Variants in SPMIP2 observed in about 807,000 individuals in gnomAD.
SPMIP2 encodes the protein protein SPMIP2.
At chr4:159,003,986 C>T in the SPMIP2 span, among the ~76,000 whole-genome samples, 2 of 152,090 alleles carry the variant, frequency 1.3e-5, no homozygotes, top group Non-Finnish European at 2.9e-5. Context: ...CGAGTCATCA[C>T]CAGCTGAGTC....
At chr4:158,971,273 A>T in the SPMIP2 span, among the ~76,000 whole-genome samples, 1 of 152,186 alleles carries the variant, frequency 6.6e-6, no homozygotes, top group African/African-American at 2.4e-5. Context: ...ACTTTATTCA[A>T]CCCAGCCGCC....
At chr4:159,045,594 G>C in the SPMIP2 span, among the ~76,000 whole-genome samples, 4 of 152,214 alleles carry the variant, frequency 2.6e-5, no homozygotes, top group Non-Finnish European at 5.9e-5. Context: ...ATAGCTATGA[G>C]AGAGAAAGGG....
chr4:158,894,336 G>GTAATTTTT, the SPMIP2 span, among the ~76,000 whole-genome samples: 35 of 151,942 alleles, frequency 2.3e-4, no homozygotes, highest in East Asian at 6.4e-3. Context: ...CTATGCCCAG[G>GTAATTTTT]TAATTTTTTA....
At chr4:159,070,957 T>C in the SPMIP2 span, among the ~76,000 whole-genome samples, 1 of 152,166 alleles carries the variant, frequency 6.6e-6, no homozygotes, top group Non-Finnish European at 1.5e-5. Flanking sequence ...CAAGCCTCAG[T>C]GGTCAGCAAT....
At chr4:159,063,903 T>C in the SPMIP2 span, among the ~76,000 whole-genome samples, 3 of 152,214 alleles carry the variant, frequency 2.0e-5, no homozygotes, top group Non-Finnish European at 2.9e-5. Flanking sequence ...AAAAGGATCA[T>C]GTGGAGCCAG....
chr4:158,904,713 CTT>C, the SPMIP2 span: 1 of 604,814 alleles, frequency 1.7e-6, no homozygotes, highest in Non-Finnish European at 2.9e-6. Context: ...TCATTGAAGA[CTT>C]AGGTTTACTT....
At chr4:158,925,745 G>C in the SPMIP2 span, among the ~76,000 whole-genome samples, 1 of 152,178 alleles carries the variant, frequency 6.6e-6, no homozygotes, top group Non-Finnish European at 1.5e-5. Flanking sequence ...TTCCTAACGG[G>C]TTACACGTCT....
chr4:159,003,131 T>C, the SPMIP2 span, among the ~76,000 whole-genome samples: 2 of 152,222 alleles, frequency 1.3e-5, no homozygotes, highest in Non-Finnish European at 2.9e-5. Flanking sequence ...TATACCACTC[T>C]CTGTGTAATT....
the SPMIP2 span, among the ~76,000 whole-genome samples, chr4:158,978,889 T>A: frequency 6.6e-6 from 1 of 151,736 alleles, no homozygotes; most frequent in African/African-American, 2.4e-5. Flanking sequence ...CACTCTGTAC[T>A]GAGTGCTGTG....
At chr4:158,975,471 T>C in the SPMIP2 span, among the ~76,000 whole-genome samples, 1 of 152,244 alleles carries the variant, frequency 6.6e-6, no homozygotes, top group African/African-American at 2.4e-5. Flanking sequence ...GAGTTAATTT[T>C]TGTAAAAGGT....
At chr4:158,946,641 T>C in the SPMIP2 span, among the ~76,000 whole-genome samples, 1 of 152,218 alleles carries the variant, frequency 6.6e-6, no homozygotes, top group African/African-American at 2.4e-5. Flanking sequence ...ATTAAACCTC[T>C]TTCTTTATAA....
the SPMIP2 span, among the ~76,000 whole-genome samples, chr4:159,004,014 G>C: frequency 6.6e-6 from 1 of 151,744 alleles, no homozygotes; most frequent in Non-Finnish European, 1.5e-5. Flanking sequence ...GGTTTTTTTT[G>C]TTGTTGTTTT....
the SPMIP2 span, among the ~76,000 whole-genome samples, chr4:158,932,908 A>T: frequency 6.6e-6 from 1 of 152,232 alleles, no homozygotes; most frequent in African/African-American, 2.4e-5. Context: ...CACAAAAATC[A>T]TTGTTATTAC....
the SPMIP2 span, among the ~76,000 whole-genome samples, chr4:158,977,693 C>T: frequency 1.4e-5 from 2 of 144,800 alleles, no homozygotes; most frequent in Non-Finnish European, 1.5e-5. Flanking sequence ...CGGCTCACTG[C>T]AAGCTCTGCC....
the SPMIP2 span, among the ~76,000 whole-genome samples, chr4:159,016,626 TTCTTTGG>T: frequency 3.3e-5 from 5 of 152,200 alleles, no homozygotes; most frequent in Admixed American, 2.0e-4. Context: ...TTTCAACCTT[TTCTTTGG>T]TAACCCCTTG....
At chr4:158,928,645 C>T in the SPMIP2 span, among the ~76,000 whole-genome samples, 1 of 152,164 alleles carries the variant, frequency 6.6e-6, no homozygotes, top group African/African-American at 2.4e-5. Context: ...GCTGCCAGAG[C>T]CAGCAGTGGC....
At chr4:159,040,205 T>G in the SPMIP2 span, among the ~76,000 whole-genome samples, 1 of 152,140 alleles carries the variant, frequency 6.6e-6, no homozygotes, top group Non-Finnish European at 1.5e-5. Flanking sequence ...GGAGTCTCGC[T>G]CTGTTGCCCA....
the SPMIP2 span, among the ~76,000 whole-genome samples, chr4:159,037,961 A>T: frequency 1.1e-4 from 17 of 152,088 alleles, 1 homozygote; most frequent in Admixed American, 1.1e-3. Context: ...TTACGTAAAG[A>T]TATTTCTCTC....
the SPMIP2 span, among the ~76,000 whole-genome samples, chr4:159,034,736 C>T: frequency 6.6e-6 from 1 of 152,042 alleles, no homozygotes; most frequent in Admixed American, 6.5e-5. Flanking sequence ...TACAAAAATA[C>T]AAAAATTAGC....
Sources: gnomAD v4.1 joint callset for allele counts (sites outside exome capture counted in the v4.1 genomes callset) on GRCh38, gnomAD v4.1.1 for gene constraint, MANE v1.5 for transcripts, NCBI Gene and HGNC (gene_info 2026-07-23, HGNC 2026-07-21) for gene names.